MCOLN2: variants seen among roughly 807,000 people sequenced by gnomAD.
MCOLN2 encodes mucolipin-2.
MCOLN2 carries 57 observed loss-of-function variants against 67.5 expected under a neutral mutation model. The observed-to-expected ratio is 0.84, with a 90% CI of 0.68 to 1.05. The LOEUF is 1.05. Ranked by LOEUF, MCOLN2 falls within the 50% of genes least tolerant of loss-of-function variation. The pLI, the probability that MCOLN2 is intolerant of heterozygous loss-of-function variation, is 0.00. For missense variants in MCOLN2, 620 were observed against 678.8 expected (o/e 0.91, Z 0.96); for synonymous variants, 246 against 233.3 (o/e 1.05, Z -0.50).
At chr1:84,930,222 C>T (rs1026600636) in intron 12 of MCOLN2, among the ~76,000 whole-genome samples, 1 of 151,910 alleles carries the variant, frequency 6.6e-6, no homozygotes, top group South Asian at 2.1e-4. Flanking sequence ...AGGATTATAC[C>T]ACTGTCCTCC....
intron 1 of MCOLN2, among the ~76,000 whole-genome samples, chr1:84,986,170 C>T (rs1182500059): frequency 6.6e-6 from 1 of 152,142 alleles, no homozygotes; most frequent in Non-Finnish European, 1.5e-5. Flanking sequence ...TTCGACAAAG[C>T]AAACAAAACC....
At chr1:84,946,778 C>T (rs76162394) in intron 7 of MCOLN2, among the ~76,000 whole-genome samples, 6,373 of 152,128 alleles carry the variant, frequency 0.042, 470 homozygotes, top group African/African-American at 0.15. Flanking sequence ...GAACTGGGAC[C>T]GAAACCCAGG....
Position 84,938,786 on chromosome 1 carries a change from G to A in MCOLN2, c.1111-704C>T, listed in dbSNP as rs150680473. ...GCAGAGCTGGATGATGATGACCCCA[G>A]GGGCCATGCTGCTGAGGGAGGCCAC... On this transcript the variant is annotated intron_variant, in intron 9 of 13. Transcript: ENST00000370608. 5.9e-5 allele frequency among the ~76,000 whole-genome samples: 9 copies of A among 152,316 alleles called. 1 individual carries two copies. Among genetic ancestry groups the A allele is most frequent in the Non-Finnish European group, 1.3e-4 (9 of 68,022 alleles).
chr1:84,992,074 C>G (rs1650911619), intron 1 of MCOLN2, among the ~76,000 whole-genome samples: 1 of 152,126 alleles, frequency 6.6e-6, no homozygotes, highest in African/African-American at 2.4e-5. Context: ...TTTGGACAAG[C>G]CCAACTCAGT....
At chr1:84,955,416 G>A (rs1648733141) in intron 4 of MCOLN2, among the ~76,000 whole-genome samples, 1 of 152,120 alleles carries the variant, frequency 6.6e-6, no homozygotes, top group African/African-American at 2.4e-5. Flanking sequence ...AACCAGCTAT[G>A]CATAGATCCA....
rs1322064266 is a variant in MCOLN2, at chr1:84,953,542, C to T, written c.566-1012G>A. Reference sequence around the variant, plus strand: ...TCCAGCCTGGGCGACAAGAACGAAACTCTATCTCAAAAAAAAAAAAAAAAA... The same window carrying T: ...TCCAGCCTGGGCGACAAGAACGAAATTCTATCTCAAAAAAAAAAAAAAAAA... On this transcript the variant is annotated intron_variant, in intron 4 of 13. Coordinates refer to ENST00000370608, the MANE Select transcript of MCOLN2 (RefSeq NM_153259.4). 4.0e-5 allele frequency among the ~76,000 whole-genome samples: 5 copies of T among 125,796 alleles called. No individual in the cohort carries two copies. In the East Asian group the frequency reaches 9.2e-4, roughly 23 times the overall value. 82.5% of individuals were successfully genotyped at this position (125,796 alleles called of 152,430 possible). A position where few individuals can be genotyped will look rare whatever the true frequency, so the allele number is the denominator to read the frequency against.
chr1:84,929,707 T>A (rs367850507), intron 12 of MCOLN2, 28 bp from the exon 13 acceptor site: 11 of 1,597,670 alleles, frequency 6.9e-6, no homozygotes, highest in African/African-American at 2.7e-5. Flanking sequence ...TGTTGTTACC[T>A]TATTTATAAG....
intron 11 of MCOLN2, among the ~76,000 whole-genome samples, chr1:84,932,048 A>C (rs1172069776): frequency 6.6e-6 from 1 of 151,574 alleles, no homozygotes; most frequent in Non-Finnish European, 1.5e-5. Flanking sequence ...ACACACACAC[A>C]CACACCCCTC....
intron 2 of MCOLN2, among the ~76,000 whole-genome samples, chr1:84,964,253 G>A (rs1411887047): frequency 6.6e-6 from 1 of 152,052 alleles, no homozygotes; most frequent in South Asian, 2.1e-4. Context: ...ACAGAATAAA[G>A]AAGCAACTCT....
At position 84,939,619 on chromosome 1, in the gene MCOLN2, G is replaced by A. The variant is rs1173631632; in HGVS notation, c.1044C>T (p.Val348=). The A allele has an allele frequency of 2.5e-6, 4 of 1,613,878 alleles. No individual in the cohort carries two copies. In the South Asian group the frequency reaches 3.3e-5, roughly 13 times the overall value. The change falls in exon 9 of 14, where the codon GTC becomes GTT. Residue 348 remains valine, a synonymous_variant. Transcript: ENST00000370608. ...TCATTAGGTCGCTGATAATCACCAGGACATACCAGCCGTTGATGAACTCCC... is the reference window on the plus strand; with the variant it reads ...TCATTAGGTCGCTGATAATCACCAGAACATACCAGCCGTTGATGAACTCCC... ...DQWEFINGWY[V]LVIISDLMTI...
At chr1:84,959,797 G>T (rs1261197224) in intron 2 of MCOLN2, among the ~76,000 whole-genome samples, 2 of 152,156 alleles carry the variant, frequency 1.3e-5, no homozygotes, top group Non-Finnish European at 2.9e-5. Flanking sequence ...ATTAGCAAGT[G>T]TAACTAGATG....
chr1:84,961,714 C>T (rs1324988100), intron 2 of MCOLN2, among the ~76,000 whole-genome samples: 1 of 151,998 alleles, frequency 6.6e-6, no homozygotes, highest in Non-Finnish European at 1.5e-5. Context: ...CCTAGTCCCA[C>T]TAATTAGACA....
chr1:84,932,010 C>T (rs184102755), intron 11 of MCOLN2, among the ~76,000 whole-genome samples: 4 of 148,506 alleles, frequency 2.7e-5, no homozygotes, highest in Non-Finnish European at 5.9e-5. Context: ...GGGGACACAG[C>T]GAGACCCTGT....
intron 1 of MCOLN2, among the ~76,000 whole-genome samples, chr1:84,996,393 CATATATATATATATAT>C (rs6143310): frequency 4.6e-4 from 57 of 123,950 alleles, no homozygotes; most frequent in Non-Finnish European, 6.8e-4. Flanking sequence ...GTATATATTT[CATATATATATATATAT>C]ATATATATAT....
chr1:84,965,668 ATTC>A lies in MCOLN2; in HGVS notation c.115_117del (p.Glu39del), dbSNP rs781142165. ...TAAAACTTCAGGTCTTCCCTTAGACATTCTTCTTTCATCTCAGAATCACGATGT... is the reference window on the plus strand; with the variant it reads ...TAAAACTTCAGGTCTTCCCTTAGACATTCTTTCATCTCAGAATCACGATGT... On this transcript the variant is annotated inframe_deletion, in exon 2 of 14. Coordinates refer to ENST00000370608, the MANE Select transcript of MCOLN2 (RefSeq NM_153259.4). The A allele has an allele frequency of 5.6e-6, 9 of 1,613,802 alleles. No individual in the cohort carries two copies. Among genetic ancestry groups the A allele is most frequent in the South Asian group, 1.1e-5 (1 of 90,992 alleles).
intron 11 of MCOLN2, among the ~76,000 whole-genome samples, chr1:84,936,118 C>G (rs889372225): frequency 3.3e-5 from 5 of 152,158 alleles, no homozygotes; most frequent in African/African-American, 9.7e-5. Flanking sequence ...TGCCTATTCT[C>G]TGTAACAGGA....
intron 4 of MCOLN2, 63 bp from the exon 5 acceptor site, chr1:84,952,593 G>C: frequency 9.8e-7 from 1 of 1,023,084 alleles, no homozygotes. Context: ...AAAACTAATG[G>C]GTGAAAGTGT....
chr1:84,987,516 G>A lies in MCOLN2; in HGVS notation c.77+9280C>T, dbSNP rs373046739. 6.6e-3 allele frequency among the ~76,000 whole-genome samples: 62 copies of A among 9,434 alleles called. 2 individuals are homozygous for A. Among genetic ancestry groups the A allele is most frequent in the African/African-American group, 0.016 (51 of 3,190 alleles). The allele number at this position is 9,434 out of a possible 152,430, so 6.2% of individuals were successfully genotyped here. A position where few individuals can be genotyped will look rare whatever the true frequency, so the allele number is the denominator to read the frequency against. The stretch of plus-strand genomic sequence containing the variant: ...TATGTATACATAGATGTATACATAT[G>A]TATATATGTATACATCTATGTATAC... On this transcript the variant is annotated intron_variant, in intron 1 of 13. Coordinates refer to ENST00000370608, the MANE Select transcript of MCOLN2 (RefSeq NM_153259.4).
chr1:84,940,505 T>C (rs1265769082), intron 8 of MCOLN2, among the ~76,000 whole-genome samples: 1 of 152,238 alleles, frequency 6.6e-6, no homozygotes, highest in Non-Finnish European at 1.5e-5. Context: ...CCTGTCAAAA[T>C]GAACTCTGAT....
Sources: allele counts gnomAD v4.1 joint callset (sites outside exome capture counted in the v4.1 genomes callset), GRCh38; gene constraint gnomAD v4.1.1; transcripts MANE v1.5; gene names NCBI Gene and HGNC (gene_info 2026-07-23, HGNC 2026-07-21).